NUMA1: variants seen among roughly 807,000 people sequenced by gnomAD.
The protein encoded by NUMA1 is nuclear mitotic apparatus protein 1.
NUMA1 carries 62 observed loss-of-function variants against 237.1 expected under a neutral mutation model. The observed-to-expected ratio is 0.26, with a 90% CI of 0.21 to 0.32. The LOEUF is 0.32. Ranked by LOEUF, NUMA1 falls within the 10% of genes least tolerant of loss-of-function variation. The pLI is 1.00. For synonymous variants in NUMA1, 1,028 were observed against 1,066.1 expected, an observed-to-expected ratio of 0.96 and a Z score of 0.70; for missense variants, 2,533 against 2,666.5, an observed-to-expected ratio of 0.95 and a Z score of 1.10.
intron 14 of NUMA1, 24 bp from the exon 15 acceptor site, chr11:72,016,284 G>A (rs762041886): frequency 2.3e-5 from 37 of 1,584,996 alleles, no homozygotes; most frequent in Non-Finnish European, 3.0e-5. Flanking sequence ...GAGACAAACT[G>A]GGATCAGCAT....
intron 2 of NUMA1, among the ~76,000 whole-genome samples, chr11:72,058,322 TTC>T (rs911373159): frequency 2.0e-4 from 30 of 152,336 alleles, no homozygotes; most frequent in Admixed American, 1.6e-3. Flanking sequence ...GGTTTTGTTG[TTC>T]TCTGTTTTTA....
Position 72,013,325 on chromosome 11 carries a change from C to G in NUMA1, c.4178G>C (p.Gly1393Ala), listed in dbSNP as rs541772489. Reference protein sequence around the residue: ...EELEQSKQAAGGLRAELLRAQ... With the variant: ...EELEQSKQAAAGLRAELLRAQ... The stretch of plus-strand genomic sequence containing the variant: ...CCGCAGCAGCTCTGCCCGCAGTCCC[C>G]CAGCGGCCTGCTTGCTCTGCTCCAG... Residue 1393 changes from glycine (G) to alanine (A), a missense_variant, in exon 15 of 27, where the codon GGG becomes GCG. Physicochemically the swap from Gly to Ala is moderately conservative, Grantham distance 60 (BLOSUM62 0). Transcript: ENST00000393695. The surrounding 1 kb of genome is among the most constrained non-coding windows in gnomAD (Gnocchi z 6.8). 3.7e-6 allele frequency: 6 copies of G among 1,606,200 alleles called. No individual in the cohort carries two copies. Among genetic ancestry groups the G allele is most frequent in the Non-Finnish European group, 3.4e-6 (4 of 1,179,810 alleles).
At position 72,019,072 on chromosome 11, in the gene NUMA1, A is replaced by G. The variant is rs142987958; in HGVS notation, c.585-92T>C. 4.4e-5 allele frequency: 61 copies of G among 1,395,472 alleles called. 2 individuals are homozygous for G. The East Asian group carries it at 1.4e-3, about 31-fold the overall frequency. The allele number at this position is 1,395,472 out of a possible 1,614,324, so 86.4% of individuals were successfully genotyped here. Reference sequence around the variant, plus strand: ...GCAGTAAGGGAGCGGGGTCTATGGAAGTGCGCACTAGCAGCTGGGAGGCCT... The same window carrying G: ...GCAGTAAGGGAGCGGGGTCTATGGAGGTGCGCACTAGCAGCTGGGAGGCCT... On this transcript the variant is annotated intron_variant, in intron 9 of 26. Transcript: ENST00000393695.
In NUMA1 at chr11:72,014,059, G is replaced by A. The variant is rs1461512749; in HGVS notation, c.3444C>T (p.Arg1148=). Residue 1148 remains arginine (R), a synonymous_variant, in exon 15 of 27, where the codon CGC becomes CGT. Transcript: ENST00000393695. This position sits in a 1 kb window ranked among gnomAD's most constrained non-coding sequence, Gnocchi z 4.6. ...KQQEQADSLE[R]SLEAERASRA... ...GGGAGGCCCGCTCAGCCTCGAGGCT[G>A]CGTTCCAGGCTGTCAGCCTGCTCCT... The A allele has an allele frequency of 6.2e-7, 1 of 1,610,828 alleles. No homozygotes were observed. Among genetic ancestry groups the A allele is most frequent in the South Asian group, 1.1e-5 (1 of 91,084 alleles).
chr11:72,014,078 T>A lies in NUMA1; in HGVS notation c.3425A>T (p.Gln1142Leu). 6.2e-7 allele frequency: 1 copy of A among 1,610,940 alleles called. No homozygotes were observed. The highest frequency in any genetic ancestry group is 1.3e-5 in the African/African-American group (1 of 75,048). The change falls in exon 15 of 27, where the codon CAG becomes CTG. Residue 1142 changes from glutamine to leucine, a missense_variant. Coordinates refer to ENST00000393695, the MANE Select transcript of NUMA1 (RefSeq NM_006185.4). The surrounding 1 kb of genome is among the most constrained non-coding windows in gnomAD (Gnocchi z 4.6). ...GAGGCTGCGTTCCAGGCTGTCAGCC[T>A]GCTCCTGCTGCTTCTGGCATTGCTG... The part of the protein sequence containing the change: ...LEQQCQKQQE[Q>L]ADSLERSLEA...
chr11:72,063,300 T>C (rs1444295532), intron 2 of NUMA1, among the ~76,000 whole-genome samples: 1 of 152,156 alleles, frequency 6.6e-6, no homozygotes, highest in African/African-American at 2.4e-5. Flanking sequence ...AGAGGATCAC[T>C]TGAACCCTGA....
chr11:72,015,039 G>C lies in NUMA1; in HGVS notation c.2464C>G (p.Gln822Glu), dbSNP rs772981500. Residue 822 changes from glutamine (Q) to glutamate (E), a missense_variant, in exon 15 of 27, where the codon CAA becomes GAA. Transcript: ENST00000393695. This position sits in a 1 kb window ranked among gnomAD's most constrained non-coding sequence, Gnocchi z 4.0. ...AWRERYEDSQ[Q>E]EEAQYGAMFQ... ...ATGGCGCCATACTGTGCCTCCTCTT[G>C]CTGGCTATCCTCATACCGCTCACGC... is the stretch of plus-strand genomic sequence containing the variant. The C allele has an allele frequency of 1.2e-6, 2 of 1,614,022 alleles. No individual in the cohort carries two copies. The highest frequency in any genetic ancestry group is 1.7e-6 in the Non-Finnish European group (2 of 1,180,030).
chr11:72,049,560 A>AATATATATATATATATAT (rs1555034472), intron 2 of NUMA1: 10 of 41,012 alleles, frequency 2.4e-4, no homozygotes, highest in Admixed American at 5.8e-4. Context: ...AAATAATAAT[A>AATATATATATATATATAT]ATATATATAT....
intron 20 of NUMA1, chr11:72,008,201 C>T: frequency 2.1e-6 from 1 of 465,230 alleles, no homozygotes; most frequent in Admixed American, 2.4e-5. Flanking sequence ...CCAGTCTTAA[C>T]TTCTATACTA....
Position 72,004,696 on chromosome 11 carries a change from G to A in NUMA1, c.5950C>T (p.Arg1984Trp), listed in dbSNP as rs759101534. ...QIAEGTGITTRQQRKRVSLEP... is the reference protein window; with the variant it reads ...QIAEGTGITTWQQRKRVSLEP... Reference sequence around the variant, plus strand: ...AGGGAGACCCGTTTGCGCTGCTGCCGGGTGGTGATGCCAGTGCCCTCGGCT... The same window carrying A: ...AGGGAGACCCGTTTGCGCTGCTGCCAGGTGGTGATGCCAGTGCCCTCGGCT... The change falls in exon 24 of 27, where the codon CGG becomes TGG. Residue 1984 changes from arginine to tryptophan, a missense_variant. By Grantham distance (101) the Arg-to-Trp change is moderately radical. Coordinates refer to ENST00000393695, the MANE Select transcript of NUMA1 (RefSeq NM_006185.4). 42 of 1,613,692 alleles carry A rather than the reference G, an allele frequency of 2.6e-5. No homozygotes were observed. The East Asian group carries it at 4.5e-4, about 17-fold the overall frequency.
chr11:72,048,896 C>CT (rs1229031536), intron 2 of NUMA1, among the ~76,000 whole-genome samples: 1 of 152,154 alleles, frequency 6.6e-6, no homozygotes, highest in Admixed American at 6.6e-5. Flanking sequence ...AAGGGAAGGA[C>CT]TGCTGTTTCA....
At chr11:72,072,768 C>T (rs1943511520) in intron 1 of NUMA1, among the ~76,000 whole-genome samples, 1 of 152,168 alleles carries the variant, frequency 6.6e-6, no homozygotes, top group Admixed American at 6.5e-5. Flanking sequence ...CAAAACTATT[C>T]CCCTGGCCAG....
In NUMA1 at chr11:72,018,197, C is replaced by T; in HGVS notation, c.964G>A (p.Asp322Asn). 2 of 1,613,346 alleles carry T rather than the reference C, an allele frequency of 1.2e-6. No homozygotes were observed. The highest frequency in any genetic ancestry group is 8.5e-7 in the Non-Finnish European group (1 of 1,179,226). ...KINQLSEENG[D>N]LSFKLREFAS... Reference sequence around the variant, plus strand: ...TTAACACCCACCTTAAAGGAAAGGTCTCCATTCTCCTCCGAAAGCTGGTTG... The same window carrying T: ...TTAACACCCACCTTAAAGGAAAGGTTTCCATTCTCCTCCGAAAGCTGGTTG... Residue 322 changes from aspartate to asparagine, a missense_variant, in exon 12 of 27, where the codon GAC becomes AAC. Transcript: ENST00000393695.
chr11:72,039,455 C>A (rs755474946), intron 2 of NUMA1, among the ~76,000 whole-genome samples: 1 of 152,182 alleles, frequency 6.6e-6, no homozygotes, highest in Non-Finnish European at 1.5e-5. Context: ...CAAGATAACA[C>A]CAAAGTGACC....
At chr11:72,071,674 G>A (rs1943458188) in intron 1 of NUMA1, among the ~76,000 whole-genome samples, 2 of 152,134 alleles carry the variant, frequency 1.3e-5, no homozygotes, top group South Asian at 4.1e-4. Context: ...TATATAGGAA[G>A]ATACCTTTTT....
rs767713763 is a variant in NUMA1, at chr11:72,024,253, CTGGATAAGAA to C, written c.208+11_208+20del. The stretch of plus-strand genomic sequence containing the variant: ...AGCTGAGGAAGCAGCTTCTTCATAG[CTGGATAAGAA>C]AGGTGCTTACTCTGCAGAAAACTGC... On this transcript the variant is annotated intron_variant, in intron 5 of 26. Coordinates refer to ENST00000393695, the MANE Select transcript of NUMA1 (RefSeq NM_006185.4). 2.5e-6 allele frequency: 4 copies of C among 1,611,254 alleles called. No individual in the cohort carries two copies. Among genetic ancestry groups the C allele is most frequent in the Non-Finnish European group, 3.4e-6 (4 of 1,177,428 alleles).
chr11:72,039,507 T>C (rs1941422923), intron 2 of NUMA1, among the ~76,000 whole-genome samples: 1 of 152,120 alleles, frequency 6.6e-6, no homozygotes, highest in African/African-American at 2.4e-5. Context: ...ATCTCTCAGC[T>C]CATGGGCCCT....
At chr11:72,054,370 A>T (rs1259263671) in intron 2 of NUMA1, among the ~76,000 whole-genome samples, 2 of 152,008 alleles carry the variant, frequency 1.3e-5, no homozygotes, top group Non-Finnish European at 2.9e-5. Context: ...AGGGAGGCTG[A>T]GGCAGGAGAA....
rs779661234 is a variant in NUMA1, at chr11:72,015,456, C to T, written c.2047G>A (p.Glu683Lys). The part of the protein sequence containing the change: ...VAELELQLRS[E>K]QQKATEKERV... Reference sequence around the variant, plus strand: ...TCTTTCTCAGTTGCTTTTTGCTGCTCAGACCGCAGCTGCAACTCTAGCTCT... The same window carrying T: ...TCTTTCTCAGTTGCTTTTTGCTGCTTAGACCGCAGCTGCAACTCTAGCTCT... The change falls in exon 15 of 27, where the codon GAG (glutamate) becomes AAG (lysine). Residue 683 changes from glutamate to lysine, a missense_variant. This residue lies in a region of NUMA1 where 1,414 missense variants were observed against 1,508.1 expected (regional missense o/e 0.94). Transcript: ENST00000393695. This position sits in a 1 kb window ranked among gnomAD's most constrained non-coding sequence, Gnocchi z 4.0. 6.2e-7 allele frequency: 1 copy of T among 1,612,228 alleles called. No individual in the cohort carries two copies. Among genetic ancestry groups the T allele is most frequent in the South Asian group, 1.1e-5 (1 of 91,090 alleles).
Sources: allele counts gnomAD v4.1 joint callset (sites outside exome capture counted in the v4.1 genomes callset), GRCh38; gene constraint gnomAD v4.1.1; regional missense constraint gnomAD v4.1.1; non-coding constraint Gnocchi (gnomAD v3.1); transcripts MANE v1.5; gene names NCBI Gene and HGNC (gene_info 2026-07-23, HGNC 2026-07-21).